Variants in PAK2 observed in about 807,000 individuals in gnomAD.
PAK2 encodes p21 (RAC1) activated kinase 2, also known as serine/threonine-protein kinase PAK 2.
In PAK2, 21 loss-of-function variants were observed where a neutral mutation model predicts 65.9. The observed-to-expected ratio is 0.32, with a 90% CI of 0.23 to 0.46. PAK2 has a LOEUF of 0.46. PAK2 is among the 20% of genes least tolerant of loss of function. The pLI is 1.00. For synonymous variants in PAK2, 204 were observed against 219.7 expected (o/e 0.93, Z 0.63); for missense variants, 324 against 642.6 (o/e 0.50, Z 5.36).
chr3:196,811,253 C>T (rs61420882), intron 8 of PAK2, among the ~76,000 whole-genome samples: 421 of 1,522 alleles, frequency 0.28, 25 homozygotes, highest in East Asian at 1. Context: ...CCTCCCTCCC[C>T]TCCCTCCCTT....
At chr3:196,749,525 C>T (rs550726665) in intron 1 of PAK2, among the ~76,000 whole-genome samples, 86 of 152,162 alleles carry the variant, frequency 5.7e-4, no homozygotes, top group African/African-American at 2.0e-3. Flanking sequence ...ACTTATTGAC[C>T]ATTTGTATAT....
intron 10 of PAK2, 62 bp downstream of exon 10, chr3:196,812,913 C>T (rs552335500): frequency 1.6e-5 from 12 of 744,864 alleles, no homozygotes; most frequent in South Asian, 3.2e-5. Flanking sequence ...CTCATGGTTT[C>T]GGGGGTGGGG....
At chr3:196,794,816 A>G (rs1448943287) in intron 2 of PAK2, among the ~76,000 whole-genome samples, 1 of 152,174 alleles carries the variant, frequency 6.6e-6, no homozygotes, top group Non-Finnish European at 1.5e-5. Context: ...TACTGCTACC[A>G]GAATATCCCC....
chr3:196,799,524 C>G (rs1405973596), intron 2 of PAK2, among the ~76,000 whole-genome samples: 1 of 152,186 alleles, frequency 6.6e-6, no homozygotes, highest in Non-Finnish European at 1.5e-5. Flanking sequence ...GTTTGGCCCT[C>G]TCCTGCTCTC....
intron 1 of PAK2, among the ~76,000 whole-genome samples, chr3:196,774,083 TC>T (rs1269363807): frequency 6.6e-6 from 1 of 152,148 alleles, no homozygotes; most frequent in African/African-American, 2.4e-5. Flanking sequence ...GTACCATAAA[TC>T]AGTAAACATT....
chr3:196,811,204 TTCCTTC>T (rs1715779371), intron 8 of PAK2, among the ~76,000 whole-genome samples: 5 of 46,004 alleles, frequency 1.1e-4, no homozygotes, highest in Non-Finnish European at 1.7e-4. Context: ...CCTTCCTCCC[TTCCTTC>T]CCTTCCCTCC....
chr3:196,812,953 C>T (rs750801358), intron 10 of PAK2, 102 bp downstream of exon 10: 56 of 596,436 alleles, frequency 9.4e-5, no homozygotes, highest in Non-Finnish European at 1.5e-4. Context: ...CTGTCAGTGC[C>T]GAGAAATAAG....
intron 1 of PAK2, among the ~76,000 whole-genome samples, chr3:196,741,391 T>C (rs1713186804): frequency 6.6e-6 from 1 of 152,246 alleles, no homozygotes; most frequent in African/African-American, 2.4e-5. Context: ...AGAAGGTCTG[T>C]GGCTTCTGTA....
At chr3:196,760,691 T>C (rs771582880) in intron 1 of PAK2, among the ~76,000 whole-genome samples, 8 of 152,222 alleles carry the variant, frequency 5.3e-5, no homozygotes, top group African/African-American at 1.7e-4. Flanking sequence ...TGCATTCTTA[T>C]GCTATCCAAA....
At chr3:196,827,124 T>C in intron 13 of PAK2, 72 bp from the exon 14 acceptor site, 1 of 910,084 alleles carries the variant, frequency 1.1e-6, no homozygotes, top group Non-Finnish European at 1.7e-6. Context: ...AAGAATCCCT[T>C]AGACTTTATG....
At chr3:196,759,489 G>T (rs112126915) in intron 1 of PAK2, among the ~76,000 whole-genome samples, 3,116 of 98,560 alleles carry the variant, frequency 0.032, 60 homozygotes, top group Middle Eastern at 0.082. Context: ...CAGTTAAGTG[G>T]TTTTTTTTGT....
At chr3:196,755,031 G>A (rs1170004798) in intron 1 of PAK2, among the ~76,000 whole-genome samples, 2 of 152,174 alleles carry the variant, frequency 1.3e-5, no homozygotes, top group Non-Finnish European at 2.9e-5. Flanking sequence ...GCTGGGTCAC[G>A]AGTCTTTTTG....
chr3:196,783,766 C>A (rs149536163), intron 2 of PAK2, among the ~76,000 whole-genome samples: 2,031 of 152,002 alleles, frequency 0.013, 26 homozygotes, highest in Non-Finnish European at 0.019. Flanking sequence ...TATCTAGTCA[C>A]CCTCAAATAT....
At chr3:196,790,732 G>A (rs937914117) in intron 2 of PAK2, among the ~76,000 whole-genome samples, 8 of 152,160 alleles carry the variant, frequency 5.3e-5, no homozygotes, top group African/African-American at 1.4e-4. Flanking sequence ...GCTGTAAAGC[G>A]TTGCAACCAT....
chr3:196,802,151 C>T (rs1020764597), intron 3 of PAK2, 124 bp downstream of exon 3: 10 of 656,570 alleles, frequency 1.5e-5, no homozygotes, highest in African/African-American at 1.4e-4. Context: ...GTAATCCCAG[C>T]ACTTTGGGAG....
intron 1 of PAK2, among the ~76,000 whole-genome samples, chr3:196,740,401 C>G (rs903865150): frequency 5.8e-4 from 89 of 152,320 alleles, no homozygotes; most frequent in African/African-American, 2.0e-3. Flanking sequence ...CTGCGGAGGT[C>G]TGACTCTTCC....
intron 13 of PAK2, among the ~76,000 whole-genome samples, chr3:196,823,275 C>CT (rs1387892317): frequency 7.9e-5 from 12 of 152,094 alleles, no homozygotes; most frequent in African/African-American, 2.7e-4. Context: ...AGAGAAAAGA[C>CT]TAACGGGATC....
intron 13 of PAK2, among the ~76,000 whole-genome samples, chr3:196,825,331 G>A (rs1167878498): frequency 6.6e-6 from 1 of 151,068 alleles, no homozygotes; most frequent in African/African-American, 2.4e-5. Context: ...GGGCAACAGA[G>A]CGAGACTGTG....
chr3:196,792,531 T>A (rs532612108), intron 2 of PAK2, among the ~76,000 whole-genome samples: 1 of 152,316 alleles, frequency 6.6e-6, no homozygotes, highest in East Asian at 1.9e-4. Context: ...GTTACATGCC[T>A]AGAGAGGAGA....
Sources: gnomAD v4.1 joint callset for allele counts (sites outside exome capture counted in the v4.1 genomes callset) on GRCh38, gnomAD v4.1.1 for gene constraint, MANE v1.5 for transcripts, NCBI Gene and HGNC (gene_info 2026-07-23, HGNC 2026-07-21) for gene names.